The following NXN variants were observed in gnomAD, a reference collection of about 807,000 sequenced individuals.
NXN encodes the protein nucleoredoxin, also known as nucleoredoxin 1.
NXN carries 16 observed loss-of-function variants against 48.6 expected under a neutral mutation model. The observed-to-expected ratio is 0.33, with a 90% CI of 0.22 to 0.50. NXN has a LOEUF of 0.50. Among genes scored for constraint, NXN ranks in the 20% least tolerant of loss-of-function variants. The probability of loss-of-function intolerance (pLI) is 0.98; values close to 1 mark genes in which losing one functional copy is unlikely to be tolerated. For synonymous variants in NXN, 281 were observed against 269.6 expected (o/e 1.04, Z -0.41); for missense variants, 492 against 605.5 (o/e 0.81, Z 1.97).
chr17:863,741 G>T, intron 1 of NXN: 1 of 576,654 alleles, frequency 1.7e-6, no homozygotes, highest in Non-Finnish European at 3.1e-6. Context: ...GGGATTACAG[G>T]TGTGAGCCTC....
intron 5 of NXN, among the ~76,000 whole-genome samples, chr17:807,393 A>G (rs1911620974): frequency 6.6e-6 from 1 of 152,198 alleles, no homozygotes; most frequent in African/African-American, 2.4e-5. Context: ...GGTCTGTGGA[A>G]GAGAGGCAGG....
At chr17:803,353 C>A (rs1203432559) in intron 7 of NXN, among the ~76,000 whole-genome samples, 1 of 152,202 alleles carries the variant, frequency 6.6e-6, no homozygotes, top group African/African-American at 2.4e-5. Context: ...TGTAAAGACT[C>A]AAGGGCCTGG....
chr17:841,433 G>T (rs55753912), intron 1 of NXN, among the ~76,000 whole-genome samples: 71 of 51,212 alleles, frequency 1.4e-3, no homozygotes, highest in African/African-American at 5.1e-3. Flanking sequence ...ATCTCACACG[G>T]GCGAGCAGGT....
chr17:977,638 A>G (rs2069477239), intron 1 of NXN, among the ~76,000 whole-genome samples: 1 of 152,256 alleles, frequency 6.6e-6, no homozygotes, highest in African/African-American at 2.4e-5. Context: ...CTATGTTTTC[A>G]AAAGCTAGAA....
rs780843462 is a variant in NXN at position 823,765 on chromosome 17, C to T, written c.479G>A (p.Gly160Asp). The change falls in exon 3 of 8, where the codon GGT becomes GAT. Residue 160 changes from glycine (G) to aspartate (D), a missense_variant and splice_region_variant. Physicochemically the swap from Gly to Asp is moderately conservative, Grantham distance 94. Around this residue, in one of 3 missense-constraint regions of NXN, gnomAD observed 303 missense variants for 388.3 expected, o/e 0.78. Transcript: ENST00000336868. The stretch of plus-strand genomic sequence containing the variant: ...TTTCGGTCCCCAGGGGAACTCCAGA[C>T]CTGAAACAGAAAACAGATGGTAAAA... Reference protein sequence around the residue: ...GLLVIRDDPEGLEFPWGPKPF... With the variant: ...GLLVIRDDPEDLEFPWGPKPF... 6.2e-7 allele frequency: 1 copy of T among 1,613,986 alleles called. No homozygotes were observed. The highest frequency in any genetic ancestry group is 2.2e-5 in the East Asian group (1 of 44,886).
At chr17:808,368 T>C (rs1340971982) in intron 5 of NXN, among the ~76,000 whole-genome samples, 1 of 151,464 alleles carries the variant, frequency 6.6e-6, no homozygotes, top group African/African-American at 2.4e-5. Context: ...AGTGGCGCGA[T>C]CTCGGCTCAC....
intron 1 of NXN, among the ~76,000 whole-genome samples, chr17:869,759 C>T (rs2068131847): frequency 6.6e-6 from 1 of 152,218 alleles, no homozygotes; most frequent in Admixed American, 6.5e-5. Flanking sequence ...CTCTTTTTCA[C>T]TTCCTCTGCT....
chr17:931,695 C>T (rs1465663489), intron 1 of NXN, among the ~76,000 whole-genome samples: 7 of 149,576 alleles, frequency 4.7e-5, no homozygotes, highest in Non-Finnish European at 1.0e-4. Context: ...ATTAGCCGGG[C>T]GTGGTGGCAG....
At chr17:971,056 C>T (rs979071558) in intron 1 of NXN, among the ~76,000 whole-genome samples, 2 of 151,014 alleles carry the variant, frequency 1.3e-5, no homozygotes, top group African/African-American at 4.9e-5. Flanking sequence ...AAGTGATTCT[C>T]CTGCCTCAGC....
chr17:812,791 GGTGT>G (rs771285156), intron 5 of NXN, among the ~76,000 whole-genome samples: 1 of 147,406 alleles, frequency 6.8e-6, no homozygotes, highest in Admixed American at 6.8e-5. Flanking sequence ...CATGTGTGTA[GGTGT>G]GTGTGCGTGA....
At chr17:871,314 C>G (rs755240212) in intron 1 of NXN, among the ~76,000 whole-genome samples, 3 of 151,722 alleles carry the variant, frequency 2.0e-5, no homozygotes, top group Non-Finnish European at 4.4e-5. Context: ...AATGATGAGG[C>G]CAACAAGTAA....
At chr17:895,735 G>A (rs1193924034) in intron 1 of NXN, among the ~76,000 whole-genome samples, 4 of 149,598 alleles carry the variant, frequency 2.7e-5, no homozygotes, top group South Asian at 2.2e-4. Context: ...GGGGAATGGC[G>A]TGAACCTGAG....
chr17:927,064 A>T (rs960169368), intron 1 of NXN, among the ~76,000 whole-genome samples: 1 of 151,984 alleles, frequency 6.6e-6, no homozygotes, highest in African/African-American at 2.4e-5. Context: ...CTGTCATCCT[A>T]GCACTTTGGG....
chr17:820,054 C>A (rs1162297215), intron 4 of NXN, among the ~76,000 whole-genome samples: 11 of 152,092 alleles, frequency 7.2e-5, no homozygotes, highest in Non-Finnish European at 1.5e-4. Context: ...TAGAGACAGA[C>A]CCATGTGGGG....
intron 1 of NXN, among the ~76,000 whole-genome samples, chr17:950,959 C>CT (rs781536179): frequency 5.9e-5 from 9 of 151,974 alleles, no homozygotes; most frequent in Non-Finnish European, 1.3e-4. Context: ...TTCTGGAAGT[C>CT]TAACTAGTAC....
At chr17:855,775 G>A (rs2067978895) in intron 1 of NXN, among the ~76,000 whole-genome samples, 1 of 152,178 alleles carries the variant, frequency 6.6e-6, no homozygotes, top group Non-Finnish European at 1.5e-5. Flanking sequence ...CTTGGCAGGA[G>A]GAATGTGTGT....
At chr17:950,046 A>AG (rs2069091979) in intron 1 of NXN, among the ~76,000 whole-genome samples, 1 of 152,212 alleles carries the variant, frequency 6.6e-6, no homozygotes. Context: ...TTTTTTAAAA[A>AG]GGAAAAAAAG....
At chr17:874,222 C>G (rs955978104) in intron 1 of NXN, among the ~76,000 whole-genome samples, 1 of 152,188 alleles carries the variant, frequency 6.6e-6, no homozygotes, top group African/African-American at 2.4e-5. Flanking sequence ...CCCTTTCCCC[C>G]ATGATTGTAA....
chr17:900,662 G>A (rs2068528706), intron 1 of NXN, among the ~76,000 whole-genome samples: 1 of 152,080 alleles, frequency 6.6e-6, no homozygotes, highest in African/African-American at 2.4e-5. Context: ...CTTACCACTG[G>A]GACTGGCCCT....
Sources: allele counts gnomAD v4.1 joint callset (sites outside exome capture counted in the v4.1 genomes callset), GRCh38; gene constraint gnomAD v4.1.1; regional missense constraint gnomAD v4.1.1; transcripts MANE v1.5; gene names NCBI Gene and HGNC (gene_info 2026-07-23, HGNC 2026-07-21).